NRP1: variants seen among roughly 807,000 people sequenced by gnomAD.
The protein encoded by NRP1 is neuropilin 1, also known as neuropilin-1.
Under a neutral mutation model 106.7 loss-of-function variants are expected in NRP1, and 35 were observed. That is an observed-to-expected ratio of 0.33 (90% CI 0.25 to 0.43). NRP1 has a LOEUF of 0.43. Among genes scored for constraint, NRP1 ranks in the 20% least tolerant of loss-of-function variants. The probability of loss-of-function intolerance (pLI) is 1.00; values close to 1 mark genes in which losing one functional copy is unlikely to be tolerated. For missense variants in NRP1, 1,024 were observed against 1,170.4 expected (o/e 0.87, Z 1.83); for synonymous variants, 437 against 417.9 (o/e 1.05, Z -0.56).
intron 3 of NRP1, among the ~76,000 whole-genome samples, chr10:33,265,483 A>G (rs1156789481): frequency 3.3e-5 from 5 of 152,262 alleles, no homozygotes; most frequent in Admixed American, 2.6e-4. Context: ...TTAGACATCA[A>G]TAGAGATTAA....
chr10:33,239,045 C>A (rs976980432), intron 6 of NRP1, among the ~76,000 whole-genome samples: 19 of 151,916 alleles, frequency 1.3e-4, no homozygotes, highest in Non-Finnish European at 5.9e-5. Context: ...AATCCCAGCA[C>A]TTTGGGAGGC....
At chr10:33,274,722 C>T (rs964329232) in intron 2 of NRP1, among the ~76,000 whole-genome samples, 3 of 152,152 alleles carry the variant, frequency 2.0e-5, no homozygotes, top group Non-Finnish European at 4.4e-5. Flanking sequence ...TCCGGACATT[C>T]TCACATTATT....
At chr10:33,222,816 T>C (rs1003489308) in intron 7 of NRP1, among the ~76,000 whole-genome samples, 38 of 152,166 alleles carry the variant, frequency 2.5e-4, no homozygotes, top group Admixed American at 6.6e-5. Flanking sequence ...TAGTTTTAAA[T>C]TGAGTCATTT....
chr10:33,202,853 G>A, intron 11 of NRP1, 38 bp downstream of exon 11: 1 of 1,614,204 alleles, frequency 6.2e-7, no homozygotes, highest in Non-Finnish European at 8.5e-7. Context: ...GACATGAACT[G>A]AAATGGTACA....
chr10:33,177,820 A>G lies in NRP1; in HGVS notation c.*2256T>C, dbSNP rs914071884. The G allele has an allele frequency of 1.3e-5, 2 of 152,638 alleles. No individual in the cohort carries two copies. The highest frequency in any genetic ancestry group is 4.8e-5 in the African/African-American group (2 of 41,466). The allele number at this position is 152,638 out of a possible 1,614,324, so 9.5% of individuals were successfully genotyped here. On this transcript the variant is annotated 3_prime_UTR_variant, in exon 17 of 17. Transcript: ENST00000374867. Reference sequence around the variant, plus strand: ...GATTTCCATAAAGAAAAAATATGTTATTTTACACCTTTAAAAATTACAAAA... The same window carrying G: ...GATTTCCATAAAGAAAAAATATGTTGTTTTACACCTTTAAAAATTACAAAA...
At chr10:33,208,899 CTTTTTTTTTT>C (rs11310131) in intron 9 of NRP1, among the ~76,000 whole-genome samples, 3 of 85,238 alleles carry the variant, frequency 3.5e-5, no homozygotes, top group African/African-American at 9.4e-5. Flanking sequence ...TTAGAGCAGC[CTTTTTTTTTT>C]TTTTTTTTTT....
intron 2 of NRP1, among the ~76,000 whole-genome samples, chr10:33,308,290 T>A (rs1846313619): frequency 1.3e-5 from 2 of 151,700 alleles, no homozygotes; most frequent in African/African-American, 2.4e-5. Context: ...GACAAAATAA[T>A]CTGTACACTA....
At chr10:33,204,277 G>A (rs1032351695) in intron 10 of NRP1, among the ~76,000 whole-genome samples, 2 of 152,010 alleles carry the variant, frequency 1.3e-5, no homozygotes, top group African/African-American at 4.8e-5. Flanking sequence ...GCAGAGTTAC[G>A]GCACATGGAG....
At chr10:33,272,511 G>A (rs1014325407) in intron 2 of NRP1, among the ~76,000 whole-genome samples, 2 of 152,040 alleles carry the variant, frequency 1.3e-5, no homozygotes, top group Non-Finnish European at 2.9e-5. Context: ...AGAAAGAGGA[G>A]GAGGAGGGGA....
intron 15 of NRP1, among the ~76,000 whole-genome samples, chr10:33,183,491 C>T (rs1019188260): frequency 6.6e-6 from 1 of 152,124 alleles, no homozygotes; most frequent in African/African-American, 2.4e-5. Flanking sequence ...ATTTAGTGTG[C>T]GTTAGTTTGG....
intron 2 of NRP1, among the ~76,000 whole-genome samples, chr10:33,308,590 G>T (rs1168439325): frequency 6.6e-6 from 1 of 151,864 alleles, no homozygotes; most frequent in Non-Finnish European, 1.5e-5. Context: ...GGGTTCAAGT[G>T]AGTCTCCTGC....
At chr10:33,319,821 C>T (rs1183166497) in intron 2 of NRP1, among the ~76,000 whole-genome samples, 4 of 151,166 alleles carry the variant, frequency 2.6e-5, no homozygotes, top group African/African-American at 7.3e-5. Flanking sequence ...TTCCTGACCT[C>T]GTGATTCACC....
intron 2 of NRP1, among the ~76,000 whole-genome samples, chr10:33,299,940 TCTCTA>T (rs1416418920): frequency 2.0e-5 from 3 of 152,208 alleles, no homozygotes; most frequent in Non-Finnish European, 2.9e-5. Flanking sequence ...GCTCTCTACT[TCTCTA>T]AAGAGACGGC....
chr10:33,202,524 C>A, intron 11 of NRP1: 4 of 1,246,868 alleles, frequency 3.2e-6, no homozygotes, highest in Non-Finnish European at 3.2e-6. Flanking sequence ...TGAAAATAAA[C>A]ATTCTGAAGT....
intron 6 of NRP1, among the ~76,000 whole-genome samples, chr10:33,242,687 A>T (rs1337632715): frequency 6.6e-6 from 1 of 152,130 alleles, no homozygotes; most frequent in East Asian, 1.9e-4. Context: ...TTATTTCCAG[A>T]TCCTCAAACT....
chr10:33,222,427 T>C (rs1196506205), intron 7 of NRP1, among the ~76,000 whole-genome samples: 1 of 152,196 alleles, frequency 6.6e-6, no homozygotes, highest in African/African-American at 2.4e-5. Flanking sequence ...TATGTTTTAG[T>C]GGTCAAAGTC....
At chr10:33,305,502 G>A (rs901807550) in intron 2 of NRP1, among the ~76,000 whole-genome samples, 1 of 152,098 alleles carries the variant, frequency 6.6e-6, no homozygotes, top group African/African-American at 2.4e-5. Context: ...TATGGCTGAA[G>A]ACAAGTGTGT....
At chr10:33,186,548 CTTCTT>C (rs774347645) in intron 13 of NRP1, 60 bp from the exon 14 acceptor site, 197 of 1,536,162 alleles carry the variant, frequency 1.3e-4, no homozygotes, top group Non-Finnish European at 1.6e-4. Context: ...TTTTATCTCT[CTTCTT>C]TCAAGTCTCA....
intron 16 of NRP1, among the ~76,000 whole-genome samples, chr10:33,180,672 G>C (rs1835629976): frequency 6.6e-6 from 1 of 152,184 alleles, no homozygotes; most frequent in Admixed American, 6.5e-5. Context: ...ACAGTCCTTG[G>C]CTAGATAGGT....
Sources: allele counts gnomAD v4.1 joint callset (sites outside exome capture counted in the v4.1 genomes callset), GRCh38; gene constraint gnomAD v4.1.1; transcripts MANE v1.5; gene names NCBI Gene and HGNC (gene_info 2026-07-23, HGNC 2026-07-21).